IGF2R: variants seen among roughly 807,000 people sequenced by gnomAD.
IGF2R encodes the protein cation-independent mannose-6-phosphate receptor.
A neutral mutation model predicts 270.6 loss-of-function variants in IGF2R; 91 were observed. The ratio of observed to expected loss-of-function variants is 0.34; its 90% CI spans 0.28 to 0.40. IGF2R has a LOEUF of 0.40. Ranked by LOEUF, IGF2R falls within the 10% of genes least tolerant of loss-of-function variation. IGF2R has a pLI of 1.00. For missense variants in IGF2R, 2,805 were observed against 3,188.3 expected, an observed-to-expected ratio of 0.88 and a Z score of 2.90; for synonymous variants, 1,316 against 1,258.9, an observed-to-expected ratio of 1.05 and a Z score of -0.96.
intron 4 of IGF2R, 52 bp downstream of exon 4, chr6:160,010,837 T>TTA (rs1784323008): frequency 3.7e-6 from 4 of 1,090,710 alleles, no homozygotes; most frequent in Non-Finnish European, 5.6e-6. Context: ...CTGGGGAACT[T>TTA]TATCTTTCAA....
chr6:160,053,413 TA>T (rs545192579), intron 19 of IGF2R, among the ~76,000 whole-genome samples: 3 of 151,782 alleles, frequency 2.0e-5, no homozygotes, highest in Admixed American at 6.6e-5. Context: ...TAACATATAA[TA>T]AAAAAAGGTA....
intron 1 of IGF2R, among the ~76,000 whole-genome samples, chr6:159,979,842 T>C (rs546381685): frequency 2.0e-4 from 31 of 152,090 alleles, no homozygotes; most frequent in Non-Finnish European, 3.8e-4. Flanking sequence ...TGTGGGACTT[T>C]GGGCTCCCTC....
In IGF2R at chr6:160,060,777, G is replaced by C. The variant is rs1778422155; in HGVS notation, c.3262+60G>C. 3.3e-6 allele frequency: 5 copies of C among 1,523,992 alleles called. No individual in the cohort carries two copies. In the South Asian group the frequency reaches 4.6e-5, roughly 14 times the overall value. 94.4% of individuals were successfully genotyped at this position (1,523,992 alleles called of 1,614,324 possible). On this transcript the variant is annotated intron_variant, in intron 23 of 47. Transcript: ENST00000356956. ...TCAAGAGTCAGTGTGTGTGTGAGTG[G>C]ATATGAAGGTGTGTTTCTGTGTGTA...
At chr6:160,012,380 A>T (rs1371643271) in intron 4 of IGF2R, among the ~76,000 whole-genome samples, 2 of 152,112 alleles carry the variant, frequency 1.3e-5, no homozygotes, top group African/African-American at 4.8e-5. Flanking sequence ...TAAAGAAAAG[A>T]GGTATAATTA....
chr6:160,047,273 G>C lies in IGF2R; in HGVS notation c.2166G>C (p.Pro722=). 2 of 1,613,088 alleles carry C rather than the reference G, an allele frequency of 1.2e-6. No individual in the cohort carries two copies. The highest frequency in any genetic ancestry group is 1.1e-5 in the South Asian group (1 of 91,056). Reference sequence around the variant, plus strand: ...CCTATAACAATGAAAGACACACACCGAGAGCTACGCTCATCACCTTTCTCT... The same window carrying C: ...CCTATAACAATGAAAGACACACACCCAGAGCTACGCTCATCACCTTTCTCT... ...GTPYNNERHT[P]RATLITFLCD... Residue 722 remains proline, a synonymous_variant, in exon 16 of 48, where the codon CCG becomes CCC. Transcript: ENST00000356956.
chr6:160,103,906 A>G, intron 47 of IGF2R, 91 bp downstream of exon 47: 2 of 844,406 alleles, frequency 2.4e-6, no homozygotes, highest in Middle Eastern at 2.3e-4. Flanking sequence ...GTGCCAAGGA[A>G]AGCAGTCACA....
In IGF2R at chr6:160,064,517, C is replaced by T. The variant is rs144472377; in HGVS notation, c.4003C>T (p.Arg1335Cys). 9.3e-5 allele frequency: 150 copies of T among 1,614,128 alleles called. No homozygotes were observed. In the African/African-American group the frequency reaches 1.2e-3, roughly 13 times the overall value. The change falls in exon 28 of 48, where the codon CGC becomes TGC. Residue 1335 changes from arginine (R) to cysteine (C), a missense_variant. Around this residue, in one of 2 missense-constraint regions of IGF2R, gnomAD observed 1,851 missense variants for 2,207.2 expected, o/e 0.84. Coordinates refer to ENST00000356956, the MANE Select transcript of IGF2R (RefSeq NM_000876.4). ...CACAGCCATCTTCTTCTACTGTGAC[C>T]GCGGCACCCAGCGGGTGAGCATGTA... ...RSTAIFFYCD[R>C]GTQRPVFLKE...
rs1779042346 is a variant in IGF2R, at chr6:160,083,964, A to G, written c.5848A>G (p.Thr1950Ala). 6.2e-7 allele frequency: 1 copy of G among 1,613,254 alleles called. No individual in the cohort carries two copies. The change falls in exon 40 of 48, where the codon ACA becomes GCA. Residue 1950 changes from threonine to alanine, a missense_variant. Thr to Ala is a moderately conservative substitution (Grantham distance 58). Around this residue, in one of 2 missense-constraint regions of IGF2R, gnomAD observed 1,851 missense variants for 2,207.2 expected, o/e 0.84. Coordinates refer to ENST00000356956, the MANE Select transcript of IGF2R (RefSeq NM_000876.4). ...ACACTCCCCAGCAAACAGCTACCGGACATCCAGCATCATATTTAAGTGTGA... is the reference window on the plus strand; with the variant it reads ...ACACTCCCCAGCAAACAGCTACCGGGCATCCAGCATCATATTTAAGTGTGA... ...GFCRHSNSYR[T>A]SSIIFKCDED...
At chr6:159,980,198 AG>A (rs1783763860) in intron 1 of IGF2R, among the ~76,000 whole-genome samples, 1 of 83,296 alleles carries the variant, frequency 1.2e-5, no homozygotes, top group Non-Finnish European at 2.2e-5. Flanking sequence ...AAAGAAAGAA[AG>A]AAAGAAAGAA....
At chr6:160,070,700 G>A (rs112729618) in intron 31 of IGF2R, among the ~76,000 whole-genome samples, 1 of 152,188 alleles carries the variant, frequency 6.6e-6, no homozygotes. Flanking sequence ...CAGTGCTAGC[G>A]TGCATGACAA....
intron 37 of IGF2R, among the ~76,000 whole-genome samples, chr6:160,078,594 T>C (rs934951844): frequency 6.6e-6 from 1 of 152,138 alleles, no homozygotes; most frequent in Non-Finnish European, 1.5e-5. Flanking sequence ...GCTCTGCACT[T>C]AACGCTTTTT....
rs1779649599 is a variant in IGF2R, at chr6:160,107,634, G to C, written c.*2550G>C. On this transcript the variant is annotated 3_prime_UTR_variant, in exon 48 of 48. Transcript: ENST00000356956. ...TTCTTGAGACTGTCCATGAATGACA[G>C]AGACATAGAATAAGAACTGGGGTGC... 2 of 152,176 alleles carry C rather than the reference G, an allele frequency of 1.3e-5. No homozygotes were observed. Among genetic ancestry groups the C allele is most frequent in the African/African-American group, 4.8e-5 (2 of 41,446 alleles). The allele number at this position is 152,176 out of a possible 1,614,324, so 9.4% of individuals were successfully genotyped here.
intron 29 of IGF2R, among the ~76,000 whole-genome samples, chr6:160,065,692 G>A (rs1232482854): frequency 1.3e-5 from 2 of 151,488 alleles, no homozygotes; most frequent in Admixed American, 1.3e-4. Context: ...TCTGCCATGT[G>A]AGGCTGCCTT....
At chr6:160,028,839 T>C (rs1777624253) in intron 6 of IGF2R, among the ~76,000 whole-genome samples, 1 of 152,198 alleles carries the variant, frequency 6.6e-6, no homozygotes. Flanking sequence ...TTTTTTTTTT[T>C]TTAATTTTGT....
chr6:160,060,484 G>A, intron 22 of IGF2R, 63 bp from the exon 23 acceptor site: 1 of 1,540,634 alleles, frequency 6.5e-7, no homozygotes, highest in South Asian at 1.2e-5. Context: ...GCTGCACTGT[G>A]CTTGTGGGCT....
chr6:160,047,835 A>C lies in IGF2R; in HGVS notation c.2273A>C (p.Tyr758Ser). Residue 758 changes from tyrosine (Y) to serine (S), a missense_variant, in exon 17 of 48, where the codon TAT becomes TCT. Tyr to Ser is a moderately radical substitution (Grantham distance 144, BLOSUM62 -2). This residue lies in a region of IGF2R where 954 missense variants were observed against 981.1 expected (regional missense o/e 0.97). Transcript: ENST00000356956. Reference sequence around the variant, plus strand: ...TACAACTTCCGGTGGTACACCAGCTATGCCTGCCCGGAGGAGCCCCTGGAA... The same window carrying C: ...TACAACTTCCGGTGGTACACCAGCTCTGCCTGCCCGGAGGAGCCCCTGGAA... ...STYNFRWYTS[Y>S]ACPEEPLECV... 6.2e-7 allele frequency: 1 copy of C among 1,614,172 alleles called. No individual in the cohort carries two copies. The highest frequency in any genetic ancestry group is 8.5e-7 in the Non-Finnish European group (1 of 1,179,992).
chr6:160,010,604 G>C, intron 3 of IGF2R, 83 bp from the exon 4 acceptor site: 1 of 859,824 alleles, frequency 1.2e-6, no homozygotes, highest in Non-Finnish European at 1.9e-6. Flanking sequence ...TATTTTAGTA[G>C]CCTTTACTGC....
Position 160,102,624 on chromosome 6 carries a change from G to C in IGF2R, c.6948G>C (p.Ala2316=). 1 of 1,612,736 alleles carries C rather than the reference G, an allele frequency of 6.2e-7. No homozygotes were observed. The highest frequency in any genetic ancestry group is 1.3e-5 in the African/African-American group (1 of 75,048). Residue 2316 remains alanine, a synonymous_variant, in exon 46 of 48, where the codon GCG becomes GCC. Transcript: ENST00000356956. This position sits in a 1 kb window ranked among gnomAD's most constrained non-coding sequence, Gnocchi z 4.5. ...CGGTGCTCAGCCTGCTGCTGGTGGC[G>C]CTCACCTGCTGCCTGCTGGCCCTGT... is the stretch of plus-strand genomic sequence containing the variant. The part of the protein sequence containing the change: ...VGAVLSLLLV[A]LTCCLLALLL...
chr6:159,982,978 A>G (rs1475584517), intron 1 of IGF2R, among the ~76,000 whole-genome samples: 1 of 152,236 alleles, frequency 6.6e-6, no homozygotes, highest in African/African-American at 2.4e-5. Flanking sequence ...GTGATGGCAT[A>G]TATGAAAACT....
Sources: gnomAD v4.1 joint callset for allele counts (sites outside exome capture counted in the v4.1 genomes callset) on GRCh38, gnomAD v4.1.1 for gene constraint, gnomAD v4.1.1 regional missense constraint, Gnocchi (gnomAD v3.1) non-coding constraint, MANE v1.5 for transcripts, NCBI Gene and HGNC (gene_info 2026-07-23, HGNC 2026-07-21) for gene names.